Variants in GALNTL6 observed in about 807,000 individuals in gnomAD.
GALNTL6 encodes the protein polypeptide N-acetylgalactosaminyltransferase-like 6.
In GALNTL6, 46 loss-of-function variants were observed where a neutral mutation model predicts 73.7. That is an observed-to-expected ratio of 0.62 (90% CI 0.49 to 0.80). GALNTL6 has a LOEUF of 0.80. Ranked by LOEUF, GALNTL6 falls within the 30% of genes least tolerant of loss-of-function variation. The probability of loss-of-function intolerance (pLI) is 0.00; values close to 1 mark genes in which losing one functional copy is unlikely to be tolerated. For synonymous variants in GALNTL6, 259 were observed against 263.7 expected (o/e 0.98, Z 0.17); for missense variants, 604 against 755.0 (o/e 0.80, Z 2.34).
intron 5 of GALNTL6, among the ~76,000 whole-genome samples, chr4:172,563,556 T>C (rs148949850): frequency 2.0e-4 from 31 of 152,352 alleles, no homozygotes; most frequent in African/African-American, 7.2e-4. Flanking sequence ...TTAGTTACTA[T>C]ACTCAAAGAT....
chr4:172,274,360 T>C (rs1041837621), intron 3 of GALNTL6, among the ~76,000 whole-genome samples: 4 of 152,332 alleles, frequency 2.6e-5, no homozygotes, highest in South Asian at 2.1e-4. Context: ...AAGGTAGTTA[T>C]AGTTACCTCT....
chr4:173,019,791 C>T (rs1412991520), intron 11 of GALNTL6, among the ~76,000 whole-genome samples: 2 of 152,210 alleles, frequency 1.3e-5, no homozygotes, highest in Non-Finnish European at 2.9e-5. Flanking sequence ...TAGGTCATTT[C>T]TTGAGACCAC....
chr4:172,679,389 C>T (rs1352095359), intron 5 of GALNTL6, among the ~76,000 whole-genome samples: 2 of 139,176 alleles, frequency 1.4e-5, no homozygotes, highest in African/African-American at 2.7e-5. Context: ...CCAGCCTGGG[C>T]AATAAGAGAG....
At chr4:172,153,732 T>C (rs904814951) in intron 2 of GALNTL6, among the ~76,000 whole-genome samples, 1 of 152,242 alleles carries the variant, frequency 6.6e-6, no homozygotes, top group African/African-American at 2.4e-5. Context: ...AATCATCTTG[T>C]ACAATACAAA....
chr4:172,107,549 C>T (rs1732709343), intron 2 of GALNTL6, among the ~76,000 whole-genome samples: 2 of 151,212 alleles, frequency 1.3e-5, no homozygotes, highest in Admixed American at 6.6e-5. Flanking sequence ...AGCTGGAAGC[C>T]ATCATTCTCA....
At chr4:172,406,058 C>T (rs750013850) in intron 5 of GALNTL6, among the ~76,000 whole-genome samples, 1 of 152,026 alleles carries the variant, frequency 6.6e-6, no homozygotes, top group African/African-American at 2.4e-5. Context: ...TTGATTCTCT[C>T]TCCTAATAAG....
chr4:172,500,410 G>T (rs538597633), intron 5 of GALNTL6, among the ~76,000 whole-genome samples: 2 of 152,164 alleles, frequency 1.3e-5, no homozygotes, highest in African/African-American at 4.8e-5. Flanking sequence ...GACAGAGAGG[G>T]CCCCCATCTC....
chr4:173,015,285 AT>A (rs1752733885), intron 11 of GALNTL6, among the ~76,000 whole-genome samples: 1 of 152,234 alleles, frequency 6.6e-6, no homozygotes. Context: ...TGCTATAAGG[AT>A]ACCTGAAAAT....
At chr4:172,439,285 A>C (rs1731746178) in intron 5 of GALNTL6, among the ~76,000 whole-genome samples, 1 of 151,650 alleles carries the variant, frequency 6.6e-6, no homozygotes, top group African/African-American at 2.4e-5. Flanking sequence ...AAGACTGTTC[A>C]TGTCAAGATC....
chr4:172,852,761 G>A (rs1371568894), intron 7 of GALNTL6, among the ~76,000 whole-genome samples: 3 of 152,124 alleles, frequency 2.0e-5, no homozygotes, highest in African/African-American at 7.2e-5. Context: ...GTATTGTAAT[G>A]GAGTTATAGG....
intron 2 of GALNTL6, among the ~76,000 whole-genome samples, chr4:171,882,381 G>A (rs529047954): frequency 6.6e-6 from 1 of 152,306 alleles, no homozygotes; most frequent in African/African-American, 2.4e-5. Context: ...TAGAGGAACA[G>A]AACAAATGAG....
At chr4:172,959,852 G>A (rs376820195) in intron 10 of GALNTL6, among the ~76,000 whole-genome samples, 6 of 152,194 alleles carry the variant, frequency 3.9e-5, no homozygotes, top group African/African-American at 1.2e-4. Context: ...TGGAGGAGGT[G>A]GGCCTGGAGG....
chr4:172,444,505 TGTA>T (rs1183039103), intron 5 of GALNTL6, among the ~76,000 whole-genome samples: 2 of 152,200 alleles, frequency 1.3e-5, no homozygotes, highest in Non-Finnish European at 2.9e-5. Flanking sequence ...TTTTGCAGCA[TGTA>T]GTTTGAAGCT....
rs556941362 is a variant in GALNTL6, at chr4:172,380,154, A to T, written c.553+31465A>T. On this transcript the variant is annotated intron_variant, in intron 5 of 12. Transcript: ENST00000506823. ...GGATCATCTGGATTTGGAGCACTTA[A>T]CAAGGCCTGGATCCGTAGCAGAACT... The T allele has an allele frequency of 1.6e-3, 1,688 of 1,048,200 alleles. 21 individuals carry two copies. In the South Asian group the frequency reaches 0.021, roughly 13 times the overall value. 64.9% of individuals were successfully genotyped at this position (1,048,200 alleles called of 1,614,324 possible).
intron 5 of GALNTL6, among the ~76,000 whole-genome samples, chr4:172,632,494 G>GAGGT (rs1739442456): frequency 6.6e-6 from 1 of 152,110 alleles, no homozygotes. Context: ...CTCTGCCCTA[G>GAGGT]AGGTCTGTGG....
chr4:172,097,159 G>A (rs995801418), intron 2 of GALNTL6, among the ~76,000 whole-genome samples: 3 of 152,070 alleles, frequency 2.0e-5, no homozygotes, highest in South Asian at 2.1e-4. Context: ...GTTTTTGGTC[G>A]TATTACCCAC....
chr4:172,853,139 G>A (rs1394739958), intron 7 of GALNTL6, among the ~76,000 whole-genome samples: 1 of 152,176 alleles, frequency 6.6e-6, no homozygotes, highest in African/African-American at 2.4e-5. Context: ...CTGCAATCAA[G>A]ACACAGGCCA....
intron 8 of GALNTL6, among the ~76,000 whole-genome samples, chr4:172,898,826 A>G (rs765468124): frequency 5.3e-5 from 8 of 152,240 alleles, no homozygotes; most frequent in Non-Finnish European, 1.2e-4. Context: ...AAGAAAAGAC[A>G]GAAGTCAAAT....
chr4:171,892,793 C>T (rs1044436230), intron 2 of GALNTL6, among the ~76,000 whole-genome samples: 2 of 152,160 alleles, frequency 1.3e-5, no homozygotes, highest in African/African-American at 4.8e-5. Context: ...AACTCCTGGT[C>T]TTAAGTGATG....
Sources: gnomAD v4.1 joint callset for allele counts (sites outside exome capture counted in the v4.1 genomes callset) on GRCh38, gnomAD v4.1.1 for gene constraint, MANE v1.5 for transcripts, NCBI Gene and HGNC (gene_info 2026-07-23, HGNC 2026-07-21) for gene names.